The following H2BC18 variants were observed in gnomAD, a reference collection of about 807,000 sequenced individuals.
The protein encoded by H2BC18 is H2B clustered histone 18.
In H2BC18, 8 loss-of-function variants were observed where a neutral mutation model predicts 6.3. The observed-to-expected ratio is 1.28, with a 90% CI of 0.75 to 2.31. The LOEUF is 2.31. Among genes scored for constraint, H2BC18 ranks in the 30% most tolerant of loss-of-function variants. The probability of loss-of-function intolerance (pLI) is 0.00; values close to 1 mark genes in which losing one functional copy is unlikely to be tolerated. For missense variants in H2BC18, 106 were observed against 174.5 expected (o/e 0.61, Z 2.21); for synonymous variants, 104 against 78.1 (o/e 1.33, Z -1.75).
chr1:149,784,094 G>T (rs1420272622), intron 1 of H2BC18: 2 of 1,611,662 alleles, frequency 1.2e-6, no homozygotes, highest in African/African-American at 1.3e-5. Context: ...TGCTCCATCT[G>T]CCTGGGAGCA....
chr1:149,807,880 G>A (rs1332169133), downstream of H2BC18, among the ~76,000 whole-genome samples: 4 of 152,112 alleles, frequency 2.6e-5, no homozygotes, highest in African/African-American at 4.8e-5. Context: ...AGAAAATCAA[G>A]CTAGGACCAT....
chr1:149,788,488 T>C (rs781820002), intron 1 of H2BC18: 16 of 1,613,742 alleles, frequency 9.9e-6, no homozygotes, highest in Non-Finnish European at 1.3e-5. Context: ...TGGCAAAGCC[T>C]TTAAGTTTTT....
At chr1:149,799,463 T>C (rs1324855823) in intron 1 of H2BC18, among the ~76,000 whole-genome samples, 1 of 152,128 alleles carries the variant, frequency 6.6e-6, no homozygotes, top group Non-Finnish European at 1.5e-5. Flanking sequence ...TATGTATGCA[T>C]TTAGATCCTG....
At chr1:149,806,870 A>T (rs1296146966) in intron 1 of H2BC18, among the ~76,000 whole-genome samples, 1 of 152,164 alleles carries the variant, frequency 6.6e-6, no homozygotes, top group South Asian at 2.1e-4. Flanking sequence ...GAAATGGAGC[A>T]AAACAGGTAA....
Position 149,795,527 on chromosome 1 carries a change from T to TCCC in H2BC18, c.378-12270_378-12268dup, listed in dbSNP as rs782416713. On this transcript the variant is annotated intron_variant, in intron 1 of 1. Coordinates refer to the H2BC18 transcript ENST00000545683. ...CAAAGGAATAGGCTCCAGACACCCCTCCCTTCCAGAGCAAGGTTGGAGGAA... is the reference window on the plus strand; with the variant it reads ...CAAAGGAATAGGCTCCAGACACCCCTCCCCCCTTCCAGAGCAAGGTTGGAGGAA... 3.7e-3 allele frequency among the ~76,000 whole-genome samples: 447 copies of TCCC among 120,416 alleles called. 2 individuals are homozygous for TCCC. Among genetic ancestry groups the TCCC allele is most frequent in the Non-Finnish European group, 5.8e-3 (340 of 58,416 alleles). The allele number at this position is 120,416 out of a possible 152,430, so 79.0% of individuals were successfully genotyped here. A position where few individuals can be genotyped will look rare whatever the true frequency, so the allele number is the denominator to read the frequency against.
At chr1:149,792,437 T>A (rs1553752072) in intron 1 of H2BC18, 6 of 925,416 alleles carry the variant, frequency 6.5e-6, no homozygotes, top group Non-Finnish European at 6.8e-6. Flanking sequence ...TGCCACTGTG[T>A]AACATAGCTG....
chr1:149,809,453 G>A (rs587622791), downstream of H2BC18, among the ~76,000 whole-genome samples: 1 of 151,738 alleles, frequency 6.6e-6, no homozygotes, highest in Admixed American at 6.6e-5. Flanking sequence ...AAGAAAAAAA[G>A]TTAGAAAAAA....
At position 149,812,072 on chromosome 1, in the gene H2BC18, G is replaced by A. The variant is rs1553754548; in HGVS notation, c.252C>T (p.Tyr84=). ...IAGEASRLAH[Y]NKRSTITSRE... is the part of the protein sequence containing the mutation. ...GGGATGTGATGGTGGAGCGCTTGTT[G>A]TAGTGCGCCAGGCGGGACGCCTCTC... Residue 84 remains tyrosine, a synonymous_variant, in exon 1 of 1, where the codon TAC becomes TAT. Transcript: ENST00000369167. The A allele has an allele frequency of 6.2e-7, 1 of 1,614,288 alleles. No individual in the cohort carries two copies. Among genetic ancestry groups the A allele is most frequent in the Non-Finnish European group, 8.5e-7 (1 of 1,180,050 alleles).
chr1:149,784,270 T>G (rs2091480264), intron 1 of H2BC18: 2 of 1,610,850 alleles, frequency 1.2e-6, no homozygotes, highest in Non-Finnish European at 1.7e-6. Context: ...AATTATGACT[T>G]GGACCAGGAG....
chr1:149,785,407 C>CTTT (rs1553750700), intron 1 of H2BC18, among the ~76,000 whole-genome samples: 1 of 74,544 alleles, frequency 1.3e-5, no homozygotes, highest in African/African-American at 4.6e-5. Context: ...AGAGCTGTTT[C>CTTT]GTTTTTTTTT....
chr1:149,798,802 G>A (rs1338901), intron 1 of H2BC18, among the ~76,000 whole-genome samples: 1 of 152,072 alleles, frequency 6.6e-6, no homozygotes, highest in African/African-American at 2.4e-5. Context: ...TGTAGAGACA[G>A]GGGTCTTGCT....
intron 1 of H2BC18, chr1:149,791,466 A>T (rs1553751900): frequency 6.2e-7 from 1 of 1,608,856 alleles, no homozygotes; most frequent in African/African-American, 1.4e-5. Context: ...AACAAAAAGA[A>T]GAACAGCTGC....
intron 1 of H2BC18, among the ~76,000 whole-genome samples, chr1:149,798,668 A>G (rs1463706998): frequency 1.3e-5 from 2 of 151,888 alleles, no homozygotes; most frequent in Non-Finnish European, 2.9e-5. Flanking sequence ...CCAGAGTGCA[A>G]AGGTGCAATC....
At chr1:149,811,248 C>G (rs1553754405), downstream of H2BC18, 1 of 156,098 alleles carries the variant, frequency 6.4e-6, no homozygotes, top group African/African-American at 2.4e-5. Context: ...CCATTGGATA[C>G]TTCTAGCACC....
downstream of H2BC18, among the ~76,000 whole-genome samples, chr1:149,809,686 GC>G (rs2091954204): frequency 7.0e-6 from 1 of 142,410 alleles, no homozygotes; most frequent in South Asian, 2.1e-4. Context: ...TGAGGAATAA[GC>G]CTACAGTTTA....
intron 1 of H2BC18, among the ~76,000 whole-genome samples, chr1:149,789,648 C>T (rs1331576960): frequency 6.6e-6 from 1 of 152,150 alleles, no homozygotes; most frequent in African/African-American, 2.4e-5. Context: ...CTGAGCTCCT[C>T]CTCCTGTCCA....
Position 149,812,276 on chromosome 1 carries a change from T to TA in H2BC18, c.47_48insT (p.Lys16AsnfsTer124), listed in dbSNP as rs2091987428. ...TCTTCTGCACTTTCGTAACAGCCTT[T>TA]TTGGAGCCCTTCTTGGGAGCAGGAG... On this transcript the variant is annotated frameshift_variant, in exon 1 of 1. Coordinates refer to ENST00000369167, the MANE Select transcript of H2BC18 (RefSeq NM_001024599.5). LOFTEE classifies it high-confidence loss of function. 1 of 1,614,206 alleles carries TA rather than the reference T, an allele frequency of 6.2e-7. No homozygotes were observed. Among genetic ancestry groups the TA allele is most frequent in the East Asian group, 2.2e-5 (1 of 44,884 alleles).
chr1:149,798,634 AG>A (rs1559752014), intron 1 of H2BC18, among the ~76,000 whole-genome samples: 1 of 150,730 alleles, frequency 6.6e-6, no homozygotes, highest in Non-Finnish European at 1.5e-5. Flanking sequence ...AAAAAAAAAA[AG>A]AGGAACTTGC....
chr1:149,800,229 C>T (rs2091851725), intron 1 of H2BC18, among the ~76,000 whole-genome samples: 1 of 152,214 alleles, frequency 6.6e-6, no homozygotes, highest in Non-Finnish European at 1.5e-5. Flanking sequence ...CTTCCATGCA[C>T]CTCCACTGGG....
Sources: gnomAD v4.1 joint callset for allele counts (sites outside exome capture counted in the v4.1 genomes callset) on GRCh38, gnomAD v4.1.1 for gene constraint, MANE v1.5 for transcripts, NCBI Gene and HGNC (gene_info 2026-07-23, HGNC 2026-07-21) for gene names.